GRIP1: variants seen among roughly 807,000 people sequenced by gnomAD.
GRIP1 encodes glutamate receptor interacting protein 1.
Under a neutral mutation model 129.9 loss-of-function variants are expected in GRIP1, and 45 were observed. The observed-to-expected ratio is 0.35, with a 90% CI of 0.27 to 0.44. The LOEUF (loss-of-function observed/expected upper bound fraction) is 0.44. Ranked by LOEUF, GRIP1 falls within the 20% of genes least tolerant of loss-of-function variation. The pLI is 1.00. For synonymous variants in GRIP1, 530 were observed against 520.8 expected (o/e 1.02, Z -0.24); for missense variants, 1,196 against 1,396.8 (o/e 0.86, Z 2.29).
intron 1 of GRIP1, among the ~76,000 whole-genome samples, chr12:67,030,437 A>C (rs1006523609): frequency 6.6e-6 from 1 of 152,114 alleles, no homozygotes; most frequent in African/African-American, 2.4e-5. Context: ...TAACTCAAGC[A>C]ATGAGGTCTG....
chr12:66,408,928 G>T (rs936511139), intron 15 of GRIP1, among the ~76,000 whole-genome samples: 1 of 152,150 alleles, frequency 6.6e-6, no homozygotes, highest in African/African-American at 2.4e-5. Flanking sequence ...GTGGCCAGGG[G>T]GAGAGACTTC....
chr12:66,401,609 TACACACACACAC>T (rs71096099), intron 16 of GRIP1, among the ~76,000 whole-genome samples: 3 of 110,192 alleles, frequency 2.7e-5, no homozygotes, highest in Admixed American at 1.9e-4. Flanking sequence ...TATATATATA[TACACACACACAC>T]ACACACACAC....
At chr12:66,919,577 T>TA (rs762973872) in intron 1 of GRIP1, among the ~76,000 whole-genome samples, 5 of 152,234 alleles carry the variant, frequency 3.3e-5, no homozygotes, top group Admixed American at 6.5e-5. Context: ...CTTACATAAA[T>TA]AGACTGTTGT....
chr12:66,630,444 A>G (rs919677755), intron 1 of GRIP1: 1 of 152,180 alleles, frequency 6.6e-6, no homozygotes, highest in Admixed American at 6.5e-5. Context: ...AAGGGGCTTA[A>G]GTTCTTATGG....
intron 1 of GRIP1, among the ~76,000 whole-genome samples, chr12:66,891,487 C>T (rs1288091928): frequency 1.3e-5 from 2 of 152,086 alleles, no homozygotes; most frequent in Non-Finnish European, 2.9e-5. Flanking sequence ...GAAGGTTGCA[C>T]CAGAAGGATG....
intron 1 of GRIP1, among the ~76,000 whole-genome samples, chr12:67,066,888 T>TTTTTATATATA (rs59891449): frequency 7.2e-5 from 9 of 125,662 alleles, no homozygotes; most frequent in Non-Finnish European, 1.1e-4. Flanking sequence ...AAATATATAT[T>TTTTTATATATA]TATATATATA....
At chr12:66,783,934 C>A (rs928592364) in intron 1 of GRIP1, among the ~76,000 whole-genome samples, 2 of 152,112 alleles carry the variant, frequency 1.3e-5, no homozygotes, top group Non-Finnish European at 2.9e-5. Context: ...GCTCATTCAT[C>A]ATGCATTGCA....
intron 1 of GRIP1, among the ~76,000 whole-genome samples, chr12:66,987,528 TC>T (rs748354637): frequency 4.6e-5 from 7 of 152,146 alleles, no homozygotes; most frequent in Non-Finnish European, 7.4e-5. Flanking sequence ...GAGTAGTGTC[TC>T]CCCTTACAAA....
intron 1 of GRIP1, among the ~76,000 whole-genome samples, chr12:66,815,411 A>T (rs1348591155): frequency 6.6e-6 from 1 of 152,138 alleles, no homozygotes; most frequent in Non-Finnish European, 1.5e-5. Flanking sequence ...GACTTACAGC[A>T]TCTAAGGATG....
chr12:66,819,405 C>T (rs1395172121), intron 1 of GRIP1, among the ~76,000 whole-genome samples: 2 of 152,200 alleles, frequency 1.3e-5, no homozygotes, highest in Non-Finnish European at 2.9e-5. Context: ...TAAGTAATTA[C>T]ACTATATTAT....
At chr12:66,684,662 T>C (rs901932005) in intron 1 of GRIP1, among the ~76,000 whole-genome samples, 1 of 152,118 alleles carries the variant, frequency 6.6e-6, no homozygotes, top group Non-Finnish European at 1.5e-5. Flanking sequence ...CTGGCCAACA[T>C]GGTGAAACCC....
intron 1 of GRIP1, among the ~76,000 whole-genome samples, chr12:66,663,556 C>T (rs2033631603): frequency 6.6e-6 from 1 of 152,118 alleles, no homozygotes; most frequent in Non-Finnish European, 1.5e-5. Flanking sequence ...AAAATGCAGA[C>T]AGCTCTGCAC....
rs1247898579 is a variant in GRIP1 at position 66,508,163 on chromosome 12, A to G, written c.724+7456T>C. 2.0e-5 allele frequency among the ~76,000 whole-genome samples: 3 copies of G among 152,324 alleles called. No homozygotes were observed. In the East Asian group the frequency reaches 5.8e-4, roughly 29 times the overall value. ...ATGTCATTGTGCAATGTAAGATAAAATCATGTAGTAACTTCATTTTAAACC... is the reference window on the plus strand; with the variant it reads ...ATGTCATTGTGCAATGTAAGATAAAGTCATGTAGTAACTTCATTTTAAACC... On this transcript the variant is annotated intron_variant, in intron 7 of 24. Transcript: ENST00000359742.
At chr12:66,507,387 G>A (rs1411797408) in intron 7 of GRIP1, among the ~76,000 whole-genome samples, 8 of 151,588 alleles carry the variant, frequency 5.3e-5, no homozygotes, top group Non-Finnish European at 8.8e-5. Context: ...GCAGTGAGCC[G>A]AGATCGTGCC....
intron 1 of GRIP1, among the ~76,000 whole-genome samples, chr12:66,828,675 A>T (rs1331092025): frequency 6.6e-6 from 1 of 152,182 alleles, no homozygotes; most frequent in Admixed American, 6.5e-5. Flanking sequence ...AGACATATTA[A>T]TATTAACACC....
intron 23 of GRIP1, among the ~76,000 whole-genome samples, chr12:66,360,833 G>A (rs764742512): frequency 1.3e-5 from 2 of 152,200 alleles, no homozygotes; most frequent in South Asian, 4.1e-4. Context: ...TGCATCTGCT[G>A]TCTTGAGCAA....
At chr12:66,729,287 C>T (rs1193434758) in intron 1 of GRIP1, among the ~76,000 whole-genome samples, 1 of 151,828 alleles carries the variant, frequency 6.6e-6, no homozygotes, top group African/African-American at 2.4e-5. Context: ...AGGTTTTTGG[C>T]TAGTATTAAG....
At chr12:66,716,708 CTG>C (rs2035900221) in intron 1 of GRIP1, among the ~76,000 whole-genome samples, 1 of 152,148 alleles carries the variant, frequency 6.6e-6, no homozygotes, top group Non-Finnish European at 1.5e-5. Context: ...CACCATGACT[CTG>C]TAGTGACAGG....
intron 23 of GRIP1, among the ~76,000 whole-genome samples, chr12:66,359,030 C>T (rs530728387): frequency 2.6e-5 from 4 of 152,318 alleles, no homozygotes; most frequent in Admixed American, 2.0e-4. Flanking sequence ...GCAAGCAACA[C>T]ACCTGGGGCA....
Sources: gnomAD v4.1 joint callset for allele counts (sites outside exome capture counted in the v4.1 genomes callset) on GRCh38, gnomAD v4.1.1 for gene constraint, MANE v1.5 for transcripts, NCBI Gene and HGNC (gene_info 2026-07-23, HGNC 2026-07-21) for gene names.